The following SMIM12 variants were observed in gnomAD, a reference collection of about 807,000 sequenced individuals.
SMIM12 encodes the protein UPF0767 protein C1orf212.
A neutral mutation model predicts 6.3 loss-of-function variants in SMIM12; 5 were observed. The ratio of observed to expected loss-of-function variants is 0.80; its 90% CI spans 0.42 to 1.68. The LOEUF (loss-of-function observed/expected upper bound fraction) is 1.68. Among genes scored for constraint, SMIM12 ranks in the 40% most tolerant of loss-of-function variants. The pLI is 0.02. For synonymous variants in SMIM12, 51 were observed against 48.0 expected (o/e 1.06, Z -0.26); for missense variants, 103 against 121.4 (o/e 0.85, Z 0.71).
At position 34,851,988 on chromosome 1, in the gene SMIM12, A is replaced by G. The variant is rs1316540697; in HGVS notation, c.*3711T>C. Among the ~76,000 whole-genome samples the G allele has an allele frequency of 6.6e-6, 1 of 152,240 alleles. No homozygotes were observed. Among genetic ancestry groups the G allele is most frequent in the East Asian group, 1.9e-4 (1 of 5,192 alleles). The stretch of plus-strand genomic sequence containing the variant: ...CCCTGACCTGTCTATACCCACGTCC[A>G]CATAAACCTTGCTATCTAATGTCAC... On this transcript the variant is annotated 3_prime_UTR_variant, in exon 2 of 2. Transcript: ENST00000521580.
At chr1:34,859,555 C>G (rs1327820417) in intron 1 of SMIM12, 122 bp downstream of exon 1, 1 of 152,480 alleles carries the variant, frequency 6.6e-6, no homozygotes, top group Non-Finnish European at 1.5e-5. Flanking sequence ...AGAACACCCG[C>G]CAGAGAGGGG....
chr1:34,858,527 A>C (rs1638722964), intron 1 of SMIM12: 1 of 152,242 alleles, frequency 6.6e-6, no homozygotes, highest in South Asian at 2.1e-4. Flanking sequence ...GATTTATGAA[A>C]TTCAGAGACA....
chr1:34,856,084 T>A lies in SMIM12; in HGVS notation c.-5-102A>T, dbSNP rs1638645131. ...CCACTTACCAGGCAGCCTGGCACAA[T>A]TTTTTTTTTTTTTTGAGACGGAGTC... On this transcript the variant is annotated intron_variant, in intron 1 of 1. Coordinates refer to ENST00000521580, the MANE Select transcript of SMIM12 (RefSeq NM_138428.6). 1.0e-5 allele frequency: 7 copies of A among 696,622 alleles called. No individual in the cohort carries two copies. The African/African-American group carries it at 3.5e-4, about 35-fold the overall frequency. 43.2% of individuals were successfully genotyped at this position (696,622 alleles called of 1,614,324 possible).
At chr1:34,858,939 TG>T (rs979443044) in intron 1 of SMIM12, 5 of 152,326 alleles carry the variant, frequency 3.3e-5, no homozygotes, top group Admixed American at 2.0e-4. Context: ...TCTCCTACCC[TG>T]CCTGGCAGAG....
intron 1 of SMIM12, chr1:34,858,612 CAAGTCCTCTGTAT>C (rs1234859097): frequency 6.6e-6 from 1 of 152,186 alleles, no homozygotes; most frequent in African/African-American, 2.4e-5. Context: ...ACCTTTAAAG[CAAGTCCTCTGTAT>C]AAGTAAATGC....
intron 1 of SMIM12, chr1:34,858,927 C>A (rs1638734273): frequency 6.6e-6 from 1 of 152,186 alleles, no homozygotes; most frequent in African/African-American, 2.4e-5. Flanking sequence ...CATCCAGGCA[C>A]CTCTCCTACC....
At chr1:34,858,869 C>A (rs1638732875) in intron 1 of SMIM12, 2 of 152,150 alleles carry the variant, frequency 1.3e-5, no homozygotes, top group African/African-American at 4.8e-5. Context: ...ACACTTTAAG[C>A]TCCAAAAGGC....
At chr1:34,856,048 A>C (rs1638643872) in intron 1 of SMIM12, 66 bp from the exon 2 acceptor site, 1 of 1,443,836 alleles carries the variant, frequency 6.9e-7, no homozygotes. Context: ...AGAGCAACCC[A>C]CTAGAGCTCT....
Position 34,854,998 on chromosome 1 carries a change from T to A in SMIM12, c.*701A>T. On this transcript the variant is annotated 3_prime_UTR_variant, in exon 2 of 2. Transcript: ENST00000521580. ...TCTAAAATGCCTGTACTTGCCTAAC[T>A]CCTAAGAAGACCCCCAAATACCACC... The A allele has an allele frequency of 8.3e-7, 1 of 1,205,308 alleles. No homozygotes were observed. Among genetic ancestry groups the A allele is most frequent in the Non-Finnish European group, 1.1e-6 (1 of 924,660 alleles). 74.7% of individuals were successfully genotyped at this position (1,205,308 alleles called of 1,614,324 possible). A position where few individuals can be genotyped will look rare whatever the true frequency, so the allele number is the denominator to read the frequency against.
rs537073768 is a variant in SMIM12 at position 34,855,002 on chromosome 1, A to C, written c.*697T>G. 4.1e-6 allele frequency: 5 copies of C among 1,221,230 alleles called. No individual in the cohort carries two copies. In the East Asian group the frequency reaches 2.4e-4, roughly 59 times the overall value. 75.6% of individuals were successfully genotyped at this position (1,221,230 alleles called of 1,614,324 possible). The stretch of plus-strand genomic sequence containing the variant: ...AAATGCCTGTACTTGCCTAACTCCT[A>C]AGAAGACCCCCAAATACCACCTGGA... On this transcript the variant is annotated 3_prime_UTR_variant, in exon 2 of 2. Coordinates refer to ENST00000521580, the MANE Select transcript of SMIM12 (RefSeq NM_138428.6).
rs1459760309 is a variant in SMIM12, at chr1:34,855,286, G to A, written c.*413C>T. On this transcript the variant is annotated 3_prime_UTR_variant, in exon 2 of 2. Transcript: ENST00000521580. The stretch of plus-strand genomic sequence containing the variant: ...TAGGGCAAAATAGTGAAGGGAGCCA[G>A]GTGCATATTTGAATTCTTTCCAGTG... 1 of 1,377,796 alleles carries A rather than the reference G, an allele frequency of 7.3e-7. No individual in the cohort carries two copies. The highest frequency in any genetic ancestry group is 9.7e-7 in the Non-Finnish European group (1 of 1,028,894). 85.3% of individuals were successfully genotyped at this position (1,377,796 alleles called of 1,614,324 possible).
rs138432854 is a variant in SMIM12 at position 34,855,348 on chromosome 1, G to A, written c.*351C>T. The A allele has an allele frequency of 1.2e-5, 17 of 1,428,376 alleles. No individual in the cohort carries two copies. In the African/African-American group the frequency reaches 2.3e-4, roughly 19 times the overall value. The allele number at this position is 1,428,376 out of a possible 1,614,324, so 88.5% of individuals were successfully genotyped here. A position where few individuals can be genotyped will look rare whatever the true frequency, so the allele number is the denominator to read the frequency against. On this transcript the variant is annotated 3_prime_UTR_variant, in exon 2 of 2. Transcript: ENST00000521580. The stretch of plus-strand genomic sequence containing the variant: ...TAGACATGCAGGTATCCCTCCTAAA[G>A]GCAACGCCCAAATCCCAGCCATTCC...
Position 34,851,281 on chromosome 1 carries a change from C to T in SMIM12, c.*4418G>A, listed in dbSNP as rs1640923854. The T allele has an allele frequency of 6.6e-6, 1 of 152,170 alleles. No individual in the cohort carries two copies. Among genetic ancestry groups the T allele is most frequent in the South Asian group, 2.1e-4 (1 of 4,830 alleles). The allele number at this position is 152,170 out of a possible 1,614,324, so 9.4% of individuals were successfully genotyped here. ...AACAACCCAACAAAAATTCTTACCC[C>T]TATTTTACAGGTGAGGATATTGAGG... On this transcript the variant is annotated 3_prime_UTR_variant, in exon 2 of 2. Coordinates refer to ENST00000521580, the MANE Select transcript of SMIM12 (RefSeq NM_138428.6).
At chr1:34,857,889 C>A (rs1227040148) in intron 1 of SMIM12, 2 of 152,200 alleles carry the variant, frequency 1.3e-5, no homozygotes, top group South Asian at 2.1e-4. Flanking sequence ...GGGCACACAA[C>A]GTAGATCCCT....
Position 34,855,109 on chromosome 1 carries a change from GACT to G in SMIM12, c.*587_*589del. The G allele has an allele frequency of 3.0e-6, 4 of 1,329,072 alleles. No homozygotes were observed. The highest frequency in any genetic ancestry group is 9.2e-5 in the East Asian group (2 of 21,628). The allele number at this position is 1,329,072 out of a possible 1,614,324, so 82.3% of individuals were successfully genotyped here. Reference sequence around the variant, plus strand: ...TACAGTGATGGGGGTAGAAGATGGTGACTGTTTTCAAGCAAATTCACGAGGCAC... The same window carrying G: ...TACAGTGATGGGGGTAGAAGATGGTGGTTTTCAAGCAAATTCACGAGGCAC... On this transcript the variant is annotated 3_prime_UTR_variant, in exon 2 of 2. Transcript: ENST00000521580.
At chr1:34,859,048 G>A in intron 1 of SMIM12, 1 of 152,228 alleles carries the variant, frequency 6.6e-6, no homozygotes, top group East Asian at 1.9e-4. Context: ...AAGGTGGCAG[G>A]AGCATAACAG....
In SMIM12 at chr1:34,853,331, G is replaced by A. The variant is rs1638532200; in HGVS notation, c.*2368C>T. Reference sequence around the variant, plus strand: ...TGCTGACTTTAGTTAAACATCAGTAGGCTTCAAGAGGCAACAGCTTCTTAT... The same window carrying A: ...TGCTGACTTTAGTTAAACATCAGTAAGCTTCAAGAGGCAACAGCTTCTTAT... On this transcript the variant is annotated 3_prime_UTR_variant, in exon 2 of 2. Transcript: ENST00000521580. The A allele has an allele frequency of 6.6e-6, 1 of 152,222 alleles. No homozygotes were observed. Among genetic ancestry groups the A allele is most frequent in the African/African-American group, 2.4e-5 (1 of 41,424 alleles). The allele number at this position is 152,222 out of a possible 1,614,324, so 9.4% of individuals were successfully genotyped here.
rs1247619193 is a variant in SMIM12, at chr1:34,853,499, C to T, written c.*2200G>A. 2 of 152,204 alleles carry T rather than the reference C, an allele frequency of 1.3e-5. No homozygotes were observed. Among genetic ancestry groups the T allele is most frequent in the Non-Finnish European group, 2.9e-5 (2 of 68,026 alleles). 9.4% of individuals were successfully genotyped at this position (152,204 alleles called of 1,614,324 possible). On this transcript the variant is annotated 3_prime_UTR_variant, in exon 2 of 2. Transcript: ENST00000521580. ...AGATCCTCAAAACTGCTCATTTATC[C>T]CATTTCATCCAAAATGACATTTACT...
At position 34,855,526 on chromosome 1, in the gene SMIM12, G is replaced by T. The variant is rs765231517; in HGVS notation, c.*173C>A. 1 of 1,611,710 alleles carries T rather than the reference G, an allele frequency of 6.2e-7. No homozygotes were observed. The highest frequency in any genetic ancestry group is 1.1e-5 in the South Asian group (1 of 90,234). The stretch of plus-strand genomic sequence containing the variant: ...CTTCCTCTTCACTGGCCCCTCGGCT[G>T]CTGCTGGGTCTGCCTGGCCATCAAG... On this transcript the variant is annotated 3_prime_UTR_variant, in exon 2 of 2. Transcript: ENST00000521580.
Sources: allele counts gnomAD v4.1 joint callset (sites outside exome capture counted in the v4.1 genomes callset), GRCh38; gene constraint gnomAD v4.1.1; transcripts MANE v1.5; gene names NCBI Gene and HGNC (gene_info 2026-07-23, HGNC 2026-07-21).